The following MTSS1 variants were observed in gnomAD, a reference collection of about 807,000 sequenced individuals.
The protein encoded by MTSS1 is MTSS I-BAR domain containing 1, also known as protein MTSS 1.
A neutral mutation model predicts 79.0 loss-of-function variants in MTSS1; 18 were observed. The ratio of observed to expected loss-of-function variants is 0.23; its 90% CI spans 0.16 to 0.34. MTSS1 has a LOEUF of 0.34. Ranked by LOEUF, MTSS1 falls within the 10% of genes least tolerant of loss-of-function variation. The pLI is 1.00. For missense variants in MTSS1, 815 were observed against 986.2 expected, an observed-to-expected ratio of 0.83 and a Z score of 2.33; for synonymous variants, 341 against 368.6, an observed-to-expected ratio of 0.93 and a Z score of 0.86.
At chr8:124,573,845 G>A (rs987731022) in intron 6 of MTSS1, among the ~76,000 whole-genome samples, 19 of 152,088 alleles carry the variant, frequency 1.2e-4, no homozygotes, top group African/African-American at 4.1e-4. Flanking sequence ...GTGTATTCAC[G>A]CTGGGGAATT....
chr8:124,551,224 G>A lies in MTSS1; in HGVS notation c.*1768C>T, dbSNP rs1266549089. 1 of 152,612 alleles carries A rather than the reference G, an allele frequency of 6.6e-6. No individual in the cohort carries two copies. Among genetic ancestry groups the A allele is most frequent in the African/African-American group, 2.4e-5 (1 of 41,434 alleles). The allele number at this position is 152,612 out of a possible 1,614,324, so 9.5% of individuals were successfully genotyped here. A position where few individuals can be genotyped will look rare whatever the true frequency, so the allele number is the denominator to read the frequency against. On this transcript the variant is annotated 3_prime_UTR_variant, in exon 14 of 14. Transcript: ENST00000518547. Reference sequence around the variant, plus strand: ...TCTGCTTTTGCAAAAACCATCTCAAGCATCATATGCACAATGCATCAGCTA... The same window carrying A: ...TCTGCTTTTGCAAAAACCATCTCAAACATCATATGCACAATGCATCAGCTA...
At chr8:124,639,511 G>A (rs57174114) in intron 3 of MTSS1, among the ~76,000 whole-genome samples, 14,590 of 151,454 alleles carry the variant, frequency 0.096, 865 homozygotes, top group African/African-American at 0.16. Context: ...GTCTTGTTCT[G>A]TGTCACTCAG....
At chr8:124,718,396 C>T (rs1832416599) in intron 1 of MTSS1, among the ~76,000 whole-genome samples, 1 of 152,090 alleles carries the variant, frequency 6.6e-6, no homozygotes, top group Non-Finnish European at 1.5e-5. Context: ...AGGATGACCT[C>T]AGTCCCTCCA....
At chr8:124,616,527 T>C (rs986963690) in intron 3 of MTSS1, among the ~76,000 whole-genome samples, 3 of 152,180 alleles carry the variant, frequency 2.0e-5, no homozygotes, top group Non-Finnish European at 2.9e-5. Context: ...CAAACAAGAC[T>C]GTCCCTGCTG....
chr8:124,601,712 C>T (rs567053984), intron 3 of MTSS1, among the ~76,000 whole-genome samples: 7 of 152,262 alleles, frequency 4.6e-5, no homozygotes, highest in African/African-American at 1.2e-4. Context: ...CTGGCTGGAC[C>T]GAGCAGGGCA....
intron 3 of MTSS1, among the ~76,000 whole-genome samples, chr8:124,648,311 C>A (rs1819343395): frequency 6.6e-6 from 1 of 151,946 alleles, no homozygotes; most frequent in South Asian, 2.1e-4. Context: ...TTTCAACACA[C>A]CAACAATGGA....
chr8:124,651,951 T>A lies in MTSS1; in HGVS notation c.208+47575A>T, dbSNP rs781282472. Among the ~76,000 whole-genome samples the A allele has an allele frequency of 1.1e-3, 173 of 152,064 alleles. 1 individual carries two copies. The highest frequency in any genetic ancestry group is 1.9e-3 in the Non-Finnish European group (132 of 68,018). On this transcript the variant is annotated intron_variant, in intron 3 of 13. Transcript: ENST00000518547. ...TTGTCTGTCAGAAAGCCCGGTTGTG[T>A]CAATTTTCTTCTCCCTAAAGGATTT...
rs1010895915 is a variant in MTSS1 at position 124,582,671 on chromosome 8, G to A, written c.460+2416C>T. On this transcript the variant is annotated intron_variant, in intron 6 of 13. Transcript: ENST00000518547. This position sits in a 1 kb window ranked among gnomAD's most constrained non-coding sequence, Gnocchi z 4.8. Reference sequence around the variant, plus strand: ...CTTCATCCATCCGAACGCGTGGTGCGTCAGAAGGAACTGCTAACACTTTTA... The same window carrying A: ...CTTCATCCATCCGAACGCGTGGTGCATCAGAAGGAACTGCTAACACTTTTA... Among the ~76,000 whole-genome samples, 19 of 152,110 alleles carry A rather than the reference G, an allele frequency of 1.2e-4. No individual in the cohort carries two copies. Among genetic ancestry groups the A allele is most frequent in the African/African-American group, 4.6e-4 (19 of 41,412 alleles).
chr8:124,575,390 G>C (rs987249463), intron 6 of MTSS1, among the ~76,000 whole-genome samples: 2 of 152,082 alleles, frequency 1.3e-5, no homozygotes, highest in African/African-American at 4.8e-5. Context: ...TAACAGTATT[G>C]AGCTCACAGG....
chr8:124,607,013 A>C (rs546473608), intron 3 of MTSS1, among the ~76,000 whole-genome samples: 1 of 152,160 alleles, frequency 6.6e-6, no homozygotes, highest in South Asian at 2.1e-4. Flanking sequence ...GGCCCTGGGA[A>C]TCATGCTTAG....
At chr8:124,653,112 G>C in intron 3 of MTSS1, among the ~76,000 whole-genome samples, 1 of 152,200 alleles carries the variant, frequency 6.6e-6, no homozygotes, top group East Asian at 1.9e-4. Flanking sequence ...TGCCCGGATG[G>C]GGCACAGGAG....
intron 3 of MTSS1, among the ~76,000 whole-genome samples, chr8:124,611,291 G>A (rs947696125): frequency 5.9e-5 from 9 of 152,158 alleles, no homozygotes; most frequent in African/African-American, 2.2e-4. Flanking sequence ...GAGCTGGGGG[G>A]ATTGCTGGGT....
chr8:124,725,646 A>G (rs75891977), intron 1 of MTSS1, among the ~76,000 whole-genome samples: 345 of 152,346 alleles, frequency 2.3e-3, no homozygotes, highest in Non-Finnish European at 4.1e-3. Flanking sequence ...GGTCATTAGA[A>G]AGTCAGTTGA....
At chr8:124,620,883 A>G (rs7015740) in intron 3 of MTSS1, among the ~76,000 whole-genome samples, 76,086 of 152,138 alleles carry the variant, frequency 0.5, 20,646 homozygotes, top group African/African-American at 0.72. Flanking sequence ...CGAATGAAAC[A>G]GTATCGTGAA....
At chr8:124,631,870 C>T (rs756708613) in intron 3 of MTSS1, among the ~76,000 whole-genome samples, 7 of 152,234 alleles carry the variant, frequency 4.6e-5, no homozygotes, top group African/African-American at 7.2e-5. Context: ...TGTCCACCCA[C>T]TCGGCTCTTC....
At chr8:124,670,975 T>A (rs1824067131) in intron 3 of MTSS1, among the ~76,000 whole-genome samples, 1 of 152,076 alleles carries the variant, frequency 6.6e-6, no homozygotes, top group South Asian at 2.1e-4. Flanking sequence ...TCCTTAATTT[T>A]CCATAGTGAT....
At chr8:124,627,582 CGG>C (rs1010975947) in intron 3 of MTSS1, among the ~76,000 whole-genome samples, 2 of 152,172 alleles carry the variant, frequency 1.3e-5, no homozygotes, top group African/African-American at 4.8e-5. Flanking sequence ...AATATAAGAC[CGG>C]GAAAGTAGAG....
intron 3 of MTSS1, among the ~76,000 whole-genome samples, chr8:124,640,273 T>C (rs949834369): frequency 6.6e-6 from 1 of 152,262 alleles, no homozygotes; most frequent in African/African-American, 2.4e-5. Context: ...TCTGATGTGA[T>C]GGTTGTTCGA....
intron 3 of MTSS1, among the ~76,000 whole-genome samples, chr8:124,646,037 T>G (rs2134081338): frequency 6.6e-6 from 1 of 152,350 alleles, no homozygotes; most frequent in Admixed American, 6.5e-5. Flanking sequence ...AAACACACTT[T>G]AAAAACACTT....
Sources: allele counts gnomAD v4.1 joint callset (sites outside exome capture counted in the v4.1 genomes callset), GRCh38; gene constraint gnomAD v4.1.1; non-coding constraint Gnocchi (gnomAD v3.1); transcripts MANE v1.5; gene names NCBI Gene and HGNC (gene_info 2026-07-23, HGNC 2026-07-21).